Variants in LDB2 observed in about 807,000 individuals in gnomAD.
The protein encoded by LDB2 is LIM domain-binding protein 2.
LDB2 carries 12 observed loss-of-function variants against 44.3 expected under a neutral mutation model. The observed-to-expected ratio is 0.27, with a 90% CI of 0.17 to 0.44. The LOEUF is 0.44. Ranked by LOEUF, LDB2 falls within the 20% of genes least tolerant of loss-of-function variation. The pLI is 1.00. For missense variants in LDB2, 344 were observed against 473.5 expected, an observed-to-expected ratio of 0.73 and a Z score of 2.54; for synonymous variants, 164 against 174.8, an observed-to-expected ratio of 0.94 and a Z score of 0.49.
At chr4:16,609,351 C>CGGGGGGGGGGG (rs71181179) in intron 2 of LDB2, among the ~76,000 whole-genome samples, 3 of 108,848 alleles carry the variant, frequency 2.8e-5, no homozygotes, top group African/African-American at 6.6e-5. Flanking sequence ...GGGGAGGGGG[C>CGGGGGGGGGGG]GGGGGGGGGA....
At chr4:16,847,110 T>A (rs79416171) in intron 1 of LDB2, among the ~76,000 whole-genome samples, 1 of 152,278 alleles carries the variant, frequency 6.6e-6, no homozygotes, top group South Asian at 2.1e-4. Context: ...CCCCAATTAA[T>A]GAAAAATCCC....
At chr4:16,848,137 G>A (rs1009733218) in intron 1 of LDB2, among the ~76,000 whole-genome samples, 1 of 152,124 alleles carries the variant, frequency 6.6e-6, no homozygotes, top group African/African-American at 2.4e-5. Context: ...ACACTCTACA[G>A]TAAGTATATA....
chr4:16,678,464 T>C (rs1049564716), intron 2 of LDB2, among the ~76,000 whole-genome samples: 5 of 152,124 alleles, frequency 3.3e-5, no homozygotes, highest in African/African-American at 1.2e-4. Flanking sequence ...AAATGCAGTG[T>C]TGGGGACTAG....
In LDB2 at chr4:16,845,845, T is replaced by G. The variant is rs767071836; in HGVS notation, c.132+52509A>C. On this transcript the variant is annotated intron_variant, in intron 1 of 7. Transcript: ENST00000304523. ...TAATAAGCCTGGGCGCGGTGGCTCC[T>G]GCCTGTAATCCCAGCAGTTTGGGAG... is the stretch of plus-strand genomic sequence containing the variant. Among the ~76,000 whole-genome samples, 20 of 152,076 alleles carry G rather than the reference T, an allele frequency of 1.3e-4. 1 individual carries two copies. In the South Asian group the frequency reaches 2.9e-3, roughly 22 times the overall value.
At chr4:16,607,861 G>A (rs1333556507) in intron 2 of LDB2, among the ~76,000 whole-genome samples, 2 of 152,122 alleles carry the variant, frequency 1.3e-5, no homozygotes. Context: ...TATTTGGACA[G>A]TCTGCGAATC....
intron 3 of LDB2, among the ~76,000 whole-genome samples, chr4:16,594,390 T>C (rs1720167257): frequency 6.6e-6 from 1 of 152,204 alleles, no homozygotes; most frequent in Non-Finnish European, 1.5e-5. Flanking sequence ...CAAAAGTCTC[T>C]TGTCAGCCAG....
chr4:16,671,184 T>G (rs1287986680), intron 2 of LDB2, among the ~76,000 whole-genome samples: 2 of 151,316 alleles, frequency 1.3e-5, no homozygotes, highest in Admixed American at 1.3e-4. Flanking sequence ...AATTTGGAAG[T>G]GGGGGGATAT....
chr4:16,735,993 C>T lies in LDB2; in HGVS notation c.235+23165G>A, dbSNP rs536736695. On this transcript the variant is annotated intron_variant, in intron 2 of 7. Coordinates refer to ENST00000304523, the MANE Select transcript of LDB2 (RefSeq NM_001290.5). ...GAGAGAAAGACAGAAGAGCAATTAT[C>T]CAGGGAGCTGGACCTATAGATGCCA... Among the ~76,000 whole-genome samples the T allele has an allele frequency of 2.0e-5, 3 of 152,272 alleles. No homozygotes were observed. In the South Asian group the frequency reaches 6.2e-4, roughly 32 times the overall value.
chr4:16,724,281 G>T (rs1049113712), intron 2 of LDB2, among the ~76,000 whole-genome samples: 1 of 151,768 alleles, frequency 6.6e-6, no homozygotes, highest in East Asian at 1.9e-4. Context: ...TACTATCTGG[G>T]TATCTGTGTT....
At chr4:16,686,366 G>C (rs924339413) in intron 2 of LDB2, among the ~76,000 whole-genome samples, 1 of 152,156 alleles carries the variant, frequency 6.6e-6, no homozygotes, top group Non-Finnish European at 1.5e-5. Flanking sequence ...ATCCAAAGTG[G>C]GTGGTATTAC....
At chr4:16,847,189 T>C (rs924944451) in intron 1 of LDB2, among the ~76,000 whole-genome samples, 10 of 152,234 alleles carry the variant, frequency 6.6e-5, no homozygotes, top group African/African-American at 2.2e-4. Context: ...AAAATATTTA[T>C]GCTCACTAGT....
chr4:16,895,192 C>G (rs1580570442), intron 1 of LDB2, among the ~76,000 whole-genome samples: 1 of 150,372 alleles, frequency 6.7e-6, no homozygotes, highest in South Asian at 2.1e-4. Context: ...AAATGAGGAA[C>G]CAAGACCCAT....
At chr4:16,610,336 A>G (rs1050952984) in intron 2 of LDB2, among the ~76,000 whole-genome samples, 4 of 152,160 alleles carry the variant, frequency 2.6e-5, no homozygotes, top group Non-Finnish European at 5.9e-5. Context: ...CTCTCCATCA[A>G]GGGTGCAGAA....
chr4:16,525,442 G>A (rs1005545023), intron 5 of LDB2, among the ~76,000 whole-genome samples: 4 of 152,220 alleles, frequency 2.6e-5, no homozygotes, highest in Admixed American at 1.3e-4. Flanking sequence ...ATCACTGTGC[G>A]CTTGTATCTG....
intron 5 of LDB2, among the ~76,000 whole-genome samples, chr4:16,514,085 A>G (rs1357142765): frequency 6.6e-6 from 1 of 152,092 alleles, no homozygotes; most frequent in Non-Finnish European, 1.5e-5. Context: ...GCGTTTCCCT[A>G]TTCAGTTATT....
intron 7 of LDB2, among the ~76,000 whole-genome samples, chr4:16,508,072 A>G (rs1720255464): frequency 6.6e-6 from 1 of 151,496 alleles, no homozygotes. Flanking sequence ...CTGCTGGTTA[A>G]TTACCTGAGT....
chr4:16,890,826 T>C, intron 1 of LDB2, among the ~76,000 whole-genome samples: 1 of 152,314 alleles, frequency 6.6e-6, no homozygotes, highest in Middle Eastern at 3.4e-3. Flanking sequence ...ACAATGGCTT[T>C]GCAGGTAGCT....
At chr4:16,601,376 T>C (rs1312946801) in intron 2 of LDB2, among the ~76,000 whole-genome samples, 1 of 152,138 alleles carries the variant, frequency 6.6e-6, no homozygotes, top group East Asian at 1.9e-4. Flanking sequence ...CAATTTTAGA[T>C]GCCTGCAATT....
intron 5 of LDB2, among the ~76,000 whole-genome samples, chr4:16,583,824 G>C (rs1297073452): frequency 1.3e-5 from 2 of 152,106 alleles, no homozygotes; most frequent in African/African-American, 2.4e-5. Context: ...CATTCCCTGG[G>C]CTATCTCTGG....
Sources: gnomAD v4.1 joint callset for allele counts (sites outside exome capture counted in the v4.1 genomes callset) on GRCh38, gnomAD v4.1.1 for gene constraint, MANE v1.5 for transcripts, NCBI Gene and HGNC (gene_info 2026-07-23, HGNC 2026-07-21) for gene names.